Variants in PCCA observed in about 807,000 individuals in gnomAD.
PCCA encodes propionyl-CoA carboxylase alpha chain, mitochondrial.
In PCCA, 74 loss-of-function variants were observed where a neutral mutation model predicts 101.3. The observed-to-expected ratio is 0.73, with a 90% CI of 0.61 to 0.89. PCCA has a LOEUF of 0.89. PCCA is among the 40% of genes least tolerant of loss of function. PCCA has a pLI of 0.00. For synonymous variants in PCCA, 294 were observed against 313.6 expected, an observed-to-expected ratio of 0.94 and a Z score of 0.66; for missense variants, 891 against 907.0, an observed-to-expected ratio of 0.98 and a Z score of 0.23.
chr13:100,123,086 T>G (rs1329819390), intron 4 of PCCA, among the ~76,000 whole-genome samples: 1 of 152,260 alleles, frequency 6.6e-6, no homozygotes, highest in Non-Finnish European at 1.5e-5. Context: ...AGACAAATTC[T>G]CACTCTGTCG....
intron 21 of PCCA, among the ~76,000 whole-genome samples, chr13:100,452,628 T>A (rs192317840): frequency 2.0e-5 from 3 of 149,636 alleles, no homozygotes; most frequent in Admixed American, 2.0e-4. Context: ...AACATCTTAT[T>A]CCCCCTCGCC....
chr13:100,524,858 C>A (rs948835038), intron 22 of PCCA, among the ~76,000 whole-genome samples: 1 of 151,718 alleles, frequency 6.6e-6, no homozygotes, highest in Non-Finnish European at 1.5e-5. Context: ...GGCAACAGAC[C>A]GAGATTCTGT....
chr13:100,429,534 A>G (rs961272279), intron 20 of PCCA, among the ~76,000 whole-genome samples: 2 of 152,042 alleles, frequency 1.3e-5, no homozygotes, highest in Non-Finnish European at 2.9e-5. Flanking sequence ...CTTAAATAGT[A>G]TTAAATATTA....
chr13:100,089,559 C>CT (rs1391486049), intron 1 of PCCA, among the ~76,000 whole-genome samples: 1 of 152,224 alleles, frequency 6.6e-6, no homozygotes, highest in East Asian at 1.9e-4. Context: ...GCGGCATTGG[C>CT]TTTGTCTTAA....
intron 8 of PCCA, among the ~76,000 whole-genome samples, chr13:100,242,931 C>T (rs2152533905): frequency 6.6e-6 from 1 of 152,202 alleles, no homozygotes; most frequent in South Asian, 2.1e-4. Context: ...GAGTCTCATT[C>T]TGTTGCCCAG....
intron 14 of PCCA, among the ~76,000 whole-genome samples, chr13:100,304,150 A>G (rs1415919374): frequency 6.6e-6 from 1 of 152,256 alleles, no homozygotes; most frequent in African/African-American, 2.4e-5. Flanking sequence ...TACCCCCTAC[A>G]GTCTTCATCC....
intron 19 of PCCA, among the ~76,000 whole-genome samples, chr13:100,391,839 CAT>C (rs754029894): frequency 2.0e-4 from 30 of 152,194 alleles, no homozygotes; most frequent in Admixed American, 3.9e-4. Flanking sequence ...AATACATTAA[CAT>C]CATATTTTCA....
chr13:100,241,028 C>T (rs774989238), intron 8 of PCCA, among the ~76,000 whole-genome samples: 4 of 152,086 alleles, frequency 2.6e-5, no homozygotes, highest in Non-Finnish European at 5.9e-5. Context: ...TTCTCGCCTA[C>T]CCCCTGGCCT....
chr13:100,125,695 C>G (rs941649196), intron 4 of PCCA, among the ~76,000 whole-genome samples: 3 of 152,122 alleles, frequency 2.0e-5, no homozygotes, highest in African/African-American at 7.2e-5. Context: ...GTAGACATTT[C>G]TTTTCCTTTT....
intron 8 of PCCA, among the ~76,000 whole-genome samples, chr13:100,242,604 T>A (rs947143780): frequency 2.6e-5 from 4 of 152,152 alleles, no homozygotes; most frequent in Non-Finnish European, 4.4e-5. Flanking sequence ...TTTTCTCAAG[T>A]AACTATTAAA....
chr13:100,179,940 A>G (rs969703678), intron 6 of PCCA, among the ~76,000 whole-genome samples: 2 of 152,136 alleles, frequency 1.3e-5, no homozygotes, highest in African/African-American at 4.8e-5. Context: ...TAGAATATAG[A>G]GATTGGATAT....
intron 4 of PCCA, among the ~76,000 whole-genome samples, chr13:100,146,868 CA>C (rs2052635432): frequency 6.6e-6 from 1 of 151,156 alleles, no homozygotes; most frequent in Admixed American, 6.6e-5. Flanking sequence ...TGCAGATTGG[CA>C]TGTTTAGGGA....
chr13:100,449,895 C>T (rs563579004), intron 21 of PCCA, among the ~76,000 whole-genome samples: 1 of 152,236 alleles, frequency 6.6e-6, no homozygotes, highest in Non-Finnish European at 1.5e-5. Flanking sequence ...ACATGTTGCC[C>T]ATTATTTTAT....
intron 4 of PCCA, among the ~76,000 whole-genome samples, chr13:100,152,114 A>C (rs191798693): frequency 1.3e-5 from 2 of 152,346 alleles, no homozygotes; most frequent in Admixed American, 6.5e-5. Context: ...TAACTAAGGC[A>C]GTAGAGAATT....
At chr13:100,169,455 A>T (rs1399364221) in intron 6 of PCCA, among the ~76,000 whole-genome samples, 1 of 142,362 alleles carries the variant, frequency 7.0e-6, no homozygotes, top group African/African-American at 2.6e-5. Flanking sequence ...AAAAAAAAAA[A>T]TCCCTTGATT....
At chr13:100,443,956 G>A (rs1000913379) in intron 20 of PCCA, among the ~76,000 whole-genome samples, 1 of 151,964 alleles carries the variant, frequency 6.6e-6, no homozygotes, top group Non-Finnish European at 1.5e-5. Flanking sequence ...TCAGACCACC[G>A]TCTTTCTAAA....
intron 1 of PCCA, among the ~76,000 whole-genome samples, chr13:100,097,921 G>C (rs2046922372): frequency 6.6e-6 from 1 of 152,154 alleles, no homozygotes; most frequent in African/African-American, 2.4e-5. Flanking sequence ...CTATTCAGGA[G>C]GCTGAGGTGG....
intron 19 of PCCA, among the ~76,000 whole-genome samples, chr13:100,407,634 G>T (rs745358188): frequency 1.3e-5 from 2 of 152,130 alleles, no homozygotes; most frequent in Non-Finnish European, 2.9e-5. Flanking sequence ...AACCTCTTCT[G>T]CAAGATTCAT....
intron 18 of PCCA, among the ~76,000 whole-genome samples, chr13:100,354,846 A>G (rs1023194174): frequency 3.0e-4 from 46 of 152,322 alleles, no homozygotes; most frequent in African/African-American, 1.1e-3. Context: ...GATGGAACTA[A>G]TCGTTGCAAA....
Sources: allele counts gnomAD v4.1 joint callset (sites outside exome capture counted in the v4.1 genomes callset), GRCh38; gene constraint gnomAD v4.1.1; transcripts MANE v1.5; gene names NCBI Gene and HGNC (gene_info 2026-07-23, HGNC 2026-07-21).